RANBP2: variants seen among roughly 807,000 people sequenced by gnomAD.
RANBP2 encodes the protein E3 SUMO-protein ligase RanBP2.
A neutral mutation model predicts 303.6 loss-of-function variants in RANBP2; 57 were observed. The observed-to-expected ratio is 0.19, with a 90% confidence interval of 0.15 to 0.23. The LOEUF (loss-of-function observed/expected upper bound fraction) is 0.23, where lower values mean the gene tolerates loss of function less well. RANBP2 is among the 10% of genes least tolerant of loss of function. The pLI is 1.00. For missense variants in RANBP2, 3,138 were observed against 3,780.8 expected (o/e 0.83, Z 4.46); for synonymous variants, 1,167 against 1,301.5 (o/e 0.90, Z 2.23).
At position 108,783,634 on chromosome 2, in the gene RANBP2, G is replaced by A. The variant is rs1429024597; in HGVS notation, c.9408G>A (p.Gln3136=). ...CCAAACATGATGGAACAGGCGGACA[G>A]TCCATTTATGGAGACAAATTTGAAG... ...DITKHDGTGG[Q]SIYGDKFEDE... is the part of the protein sequence containing the mutation. Residue 3136 remains glutamine (Q), a synonymous_variant, in exon 29 of 29, where the codon CAG becomes CAA. Transcript: ENST00000283195. The A allele has an allele frequency of 1.9e-6, 3 of 1,612,514 alleles. No individual in the cohort carries two copies. The African/African-American group carries it at 4.0e-5, about 22-fold the overall frequency.
the RANBP2 span, among the ~76,000 whole-genome samples, chr2:109,690,825 A>G: frequency 5.9e-5 from 9 of 152,008 alleles, no homozygotes; most frequent in African/African-American, 1.2e-4. Context: ...CCCCTTCCTG[A>G]CTTTGTTTTT....
the RANBP2 span, among the ~76,000 whole-genome samples, chr2:109,035,561 C>T: frequency 1.3e-5 from 2 of 151,358 alleles, no homozygotes; most frequent in East Asian, 3.9e-4. Flanking sequence ...CACAGACAAG[C>T]TCTAAGAAAG....
At chr2:109,359,522 C>G in the RANBP2 span, among the ~76,000 whole-genome samples, 1 of 152,218 alleles carries the variant, frequency 6.6e-6, no homozygotes, top group South Asian at 2.1e-4. Flanking sequence ...TCATTTGTAC[C>G]TAAGTATTTC....
At chr2:109,472,077 C>G in the RANBP2 span, among the ~76,000 whole-genome samples, 1 of 152,238 alleles carries the variant, frequency 6.6e-6, no homozygotes, top group Admixed American at 6.5e-5. Flanking sequence ...TTCAAATTCC[C>G]ATCCTTTTCT....
chr2:109,732,864 C>A, the RANBP2 span: 1 of 1,283,860 alleles, frequency 7.8e-7, no homozygotes, highest in Non-Finnish European at 1.1e-6. Context: ...TTTGAAGATC[C>A]CCGAGATGCA....
chr2:109,169,138 G>A, the RANBP2 span, among the ~76,000 whole-genome samples: 25 of 152,254 alleles, frequency 1.6e-4, 1 homozygote, highest in Middle Eastern at 6.8e-3. Context: ...TAGTTGTAAG[G>A]CCCACATCTC....
the RANBP2 span, among the ~76,000 whole-genome samples, chr2:109,386,766 G>A: frequency 6.6e-6 from 1 of 152,180 alleles, no homozygotes; most frequent in African/African-American, 2.4e-5. Flanking sequence ...CAAGGAAGAG[G>A]AAACCTTTGC....
the RANBP2 span, among the ~76,000 whole-genome samples, chr2:109,309,687 G>A: frequency 7.8e-6 from 1 of 128,128 alleles, no homozygotes; most frequent in South Asian, 2.4e-4. Context: ...ACAAAAAAAG[G>A]CAGGGAGTCT....
At chr2:108,790,834 C>T in the RANBP2 span, among the ~76,000 whole-genome samples, 1 of 152,302 alleles carries the variant, frequency 6.6e-6, no homozygotes, top group East Asian at 1.9e-4. Flanking sequence ...TCACTGTAGC[C>T]TCCAACTCCT....
chr2:108,976,523 T>G, the RANBP2 span, among the ~76,000 whole-genome samples: 4 of 152,106 alleles, frequency 2.6e-5, no homozygotes, highest in Non-Finnish European at 2.9e-5. Flanking sequence ...AGCGCACACT[T>G]AAGGGAGGGA....
the RANBP2 span, among the ~76,000 whole-genome samples, chr2:109,244,481 C>T: frequency 3.4e-4 from 51 of 152,216 alleles, 1 homozygote; most frequent in African/African-American, 1.2e-3. Flanking sequence ...TGGAACTACC[C>T]CCAAACAAAT....
chr2:109,265,253 A>C, the RANBP2 span, among the ~76,000 whole-genome samples: 1 of 152,208 alleles, frequency 6.6e-6, no homozygotes, highest in Non-Finnish European at 1.5e-5. Context: ...AGGCAGGACA[A>C]GGCCAGGGGA....
the RANBP2 span, among the ~76,000 whole-genome samples, chr2:108,853,924 T>G: frequency 6.1e-5 from 7 of 115,254 alleles, no homozygotes; most frequent in Admixed American, 3.2e-4. Context: ...GTATATATAT[T>G]ATATATAATT....
the RANBP2 span, among the ~76,000 whole-genome samples, chr2:108,869,242 A>G: frequency 6.6e-6 from 1 of 152,182 alleles, no homozygotes; most frequent in African/African-American, 2.4e-5. Flanking sequence ...CAAATGCCCA[A>G]TCAAGAAAAA....
chr2:108,727,363 C>T (rs1250417727), intron 1 of RANBP2, among the ~76,000 whole-genome samples: 1 of 152,204 alleles, frequency 6.6e-6, no homozygotes, highest in Non-Finnish European at 1.5e-5. Context: ...TTTGTTGTGA[C>T]ACCCCAAACT....
At chr2:109,037,873 C>A in the RANBP2 span, among the ~76,000 whole-genome samples, 1 of 152,188 alleles carries the variant, frequency 6.6e-6, no homozygotes, top group Non-Finnish European at 1.5e-5. Flanking sequence ...GATGTCAATT[C>A]TCTCCAGATT....
At chr2:109,406,749 T>G in the RANBP2 span, among the ~76,000 whole-genome samples, 2 of 152,172 alleles carry the variant, frequency 1.3e-5, no homozygotes, top group Non-Finnish European at 2.9e-5. Flanking sequence ...GCCTTCTGAC[T>G]CCTGGTGTAG....
chr2:109,522,026 C>T, the RANBP2 span, among the ~76,000 whole-genome samples: 19 of 152,172 alleles, frequency 1.2e-4, no homozygotes, highest in African/African-American at 3.4e-4. Context: ...CACTCCACAA[C>T]GGCAGCGTTT....
chr2:109,059,295 G>A, the RANBP2 span, among the ~76,000 whole-genome samples: 1 of 152,172 alleles, frequency 6.6e-6, no homozygotes, highest in Non-Finnish European at 1.5e-5. Context: ...ACAGCATGGG[G>A]CTGGGCAAGG....
Sources: gnomAD v4.1 joint callset for allele counts (sites outside exome capture counted in the v4.1 genomes callset) on GRCh38, gnomAD v4.1.1 for gene constraint, MANE v1.5 for transcripts, NCBI Gene and HGNC (gene_info 2026-07-23, HGNC 2026-07-21) for gene names.